RAP1GDS1: variants seen among roughly 807,000 people sequenced by gnomAD.
The protein encoded by RAP1GDS1 is RAP1, GTP-GDP dissociation stimulator 1.
In RAP1GDS1, 35 loss-of-function variants were observed where a neutral mutation model predicts 71.1. The observed-to-expected ratio is 0.49, with a 90% CI of 0.38 to 0.65. The LOEUF is 0.65. Among genes scored for constraint, RAP1GDS1 ranks in the 30% least tolerant of loss-of-function variants. The pLI is 0.00. For synonymous variants in RAP1GDS1, 229 were observed against 243.1 expected (o/e 0.94, Z 0.54); for missense variants, 663 against 706.1 (o/e 0.94, Z 0.69).
intron 6 of RAP1GDS1, among the ~76,000 whole-genome samples, chr4:98,394,137 G>C (rs1238749107): frequency 1.3e-5 from 2 of 152,142 alleles, no homozygotes; most frequent in Non-Finnish European, 2.9e-5. Flanking sequence ...TCCTTGGATA[G>C]GCTGTGCTGA....
intron 4 of RAP1GDS1, among the ~76,000 whole-genome samples, chr4:98,365,661 A>G (rs926614649): frequency 6.6e-6 from 1 of 152,190 alleles, no homozygotes; most frequent in Non-Finnish European, 1.5e-5. Context: ...ATTGTTCTGA[A>G]TAAATTCACT....
At chr4:98,429,548 T>C (rs900062690) in intron 12 of RAP1GDS1, among the ~76,000 whole-genome samples, 2 of 152,184 alleles carry the variant, frequency 1.3e-5, no homozygotes, top group African/African-American at 4.8e-5. Context: ...TGGTGCAGTG[T>C]ATACTGCTCG....
chr4:98,286,498 A>G (rs1055018869), intron 1 of RAP1GDS1, among the ~76,000 whole-genome samples: 2 of 152,138 alleles, frequency 1.3e-5, no homozygotes, highest in African/African-American at 2.4e-5. Context: ...AGTTGTGAAG[A>G]TCATCTGTCA....
At chr4:98,377,214 A>G (rs769248021) in intron 4 of RAP1GDS1, among the ~76,000 whole-genome samples, 3 of 151,962 alleles carry the variant, frequency 2.0e-5, no homozygotes, top group African/African-American at 7.2e-5. Context: ...TTAGAATCAA[A>G]TACTATTCGA....
intron 7 of RAP1GDS1, chr4:98,409,356 G>A (rs955596157): frequency 2.0e-5 from 3 of 153,080 alleles, no homozygotes; most frequent in Admixed American, 6.5e-5. Flanking sequence ...AAAATACGGA[G>A]TTGTTCCTTT....
chr4:98,394,598 C>A (rs1276707329), intron 6 of RAP1GDS1, among the ~76,000 whole-genome samples: 1 of 151,984 alleles, frequency 6.6e-6, no homozygotes, highest in African/African-American at 2.4e-5. Context: ...TTAACCCAAC[C>A]CTGTGATTTA....
chr4:98,300,115 T>C lies in RAP1GDS1; in HGVS notation c.112+6600T>C, dbSNP rs138602793. On this transcript the variant is annotated intron_variant, in intron 2 of 14. Transcript: ENST00000408927. ...AGCATTGCATGCTACGGGTATCTTTTGTGAAAGGAAGAGTCAATCAGGATG... is the reference window on the plus strand; with the variant it reads ...AGCATTGCATGCTACGGGTATCTTTCGTGAAAGGAAGAGTCAATCAGGATG... Among the ~76,000 whole-genome samples the C allele has an allele frequency of 4.2e-3, 635 of 152,298 alleles. 2 individuals carry two copies. The highest frequency in any genetic ancestry group is 0.014 in the Middle Eastern group (4 of 294).
At chr4:98,316,623 T>C (rs571771895) in intron 2 of RAP1GDS1, among the ~76,000 whole-genome samples, 13 of 152,234 alleles carry the variant, frequency 8.5e-5, no homozygotes, top group African/African-American at 2.6e-4. Context: ...AATACAATGT[T>C]ACCAGATGGC....
chr4:98,316,648 GA>G (rs1730985773), intron 2 of RAP1GDS1, among the ~76,000 whole-genome samples: 1 of 152,138 alleles, frequency 6.6e-6, no homozygotes, highest in Middle Eastern at 3.2e-3. Flanking sequence ...GCTGAAAAGA[GA>G]GAAGCTGTTT....
rs527616496 is a variant in RAP1GDS1 at position 98,262,002 on chromosome 4, C to T, written c.4+433C>T. Among the ~76,000 whole-genome samples, 19 of 152,376 alleles carry T rather than the reference C, an allele frequency of 1.2e-4. No homozygotes were observed. In the South Asian group the frequency reaches 3.7e-3, roughly 30 times the overall value. ...CTACCACTTCGTGTAACTTCCTTCT[C>T]TGTCAGTGCGACCTTTCCCCGTCGT... On this transcript the variant is annotated intron_variant, in intron 1 of 14. Coordinates refer to ENST00000408927, the MANE Select transcript of RAP1GDS1 (RefSeq NM_001100427.2).
intron 2 of RAP1GDS1, among the ~76,000 whole-genome samples, chr4:98,308,628 G>A (rs1009092800): frequency 2.0e-5 from 3 of 151,774 alleles, no homozygotes; most frequent in Non-Finnish European, 4.4e-5. Context: ...AATAATAAGG[G>A]AACCTTTTCA....
chr4:98,375,278 C>G (rs1741005261), intron 4 of RAP1GDS1, among the ~76,000 whole-genome samples: 1 of 152,042 alleles, frequency 6.6e-6, no homozygotes, highest in African/African-American at 2.4e-5. Flanking sequence ...CTGTGCATCC[C>G]CCTCCTCTTA....
At chr4:98,294,839 T>A (rs1391704769) in intron 2 of RAP1GDS1, among the ~76,000 whole-genome samples, 1 of 152,114 alleles carries the variant, frequency 6.6e-6, no homozygotes, top group Non-Finnish European at 1.5e-5. Context: ...CATGTGCCTG[T>A]ATAGGCAGCT....
intron 7 of RAP1GDS1, among the ~76,000 whole-genome samples, chr4:98,414,611 T>C (rs2110177375): frequency 6.7e-6 from 1 of 149,622 alleles, no homozygotes. Context: ...CTGTTTTGGT[T>C]ACTGTAGCCT....
At chr4:98,368,972 AAAG>A (rs1341524982) in intron 4 of RAP1GDS1, among the ~76,000 whole-genome samples, 1 of 152,204 alleles carries the variant, frequency 6.6e-6, no homozygotes, top group Non-Finnish European at 1.5e-5. Context: ...TTATAAAGAA[AAAG>A]AAGTTTAATG....
intron 2 of RAP1GDS1, among the ~76,000 whole-genome samples, chr4:98,313,897 A>G (rs1274734279): frequency 1.3e-5 from 2 of 152,170 alleles, no homozygotes; most frequent in East Asian, 3.9e-4. Flanking sequence ...ATTCATTGAA[A>G]TAAACCTCAC....
At chr4:98,403,626 G>C (rs1021953605) in intron 6 of RAP1GDS1, among the ~76,000 whole-genome samples, 1 of 152,168 alleles carries the variant, frequency 6.6e-6, no homozygotes, top group African/African-American at 2.4e-5. Flanking sequence ...TATTTATGTT[G>C]TATAAATATC....
At chr4:98,397,572 T>G (rs1560956539) in intron 6 of RAP1GDS1, among the ~76,000 whole-genome samples, 1 of 152,132 alleles carries the variant, frequency 6.6e-6, no homozygotes, top group Non-Finnish European at 1.5e-5. Flanking sequence ...TTTTGGGACC[T>G]GGGAAGAAAG....
At chr4:98,353,475 A>G (rs1293385493) in intron 4 of RAP1GDS1, among the ~76,000 whole-genome samples, 1 of 152,200 alleles carries the variant, frequency 6.6e-6, no homozygotes, top group Admixed American at 6.5e-5. Context: ...TCAAAAAGTG[A>G]TTTATGCATA....
Sources: gnomAD v4.1 joint callset for allele counts (sites outside exome capture counted in the v4.1 genomes callset) on GRCh38, gnomAD v4.1.1 for gene constraint, MANE v1.5 for transcripts, NCBI Gene and HGNC (gene_info 2026-07-23, HGNC 2026-07-21) for gene names.